BCLAF1: variants seen among roughly 807,000 people sequenced by gnomAD.
The protein encoded by BCLAF1 is bcl-2-associated transcription factor 1.
In BCLAF1, 10 loss-of-function variants were observed where a neutral mutation model predicts 99.5. The observed-to-expected ratio is 0.10, with a 90% CI of 0.06 to 0.17. The LOEUF is 0.17. Among genes scored for constraint, BCLAF1 ranks in the 10% least tolerant of loss-of-function variants. BCLAF1 has a pLI of 1.00. For synonymous variants in BCLAF1, 255 were observed against 370.9 expected (o/e 0.69, Z 3.59); for missense variants, 636 against 1,105.8 (o/e 0.58, Z 6.02).
At chr6:136,269,327 GTTTAAA>G in intron 9 of BCLAF1, 104 bp downstream of exon 9, 2 of 1,550,882 alleles carry the variant, frequency 1.3e-6, no homozygotes, top group Non-Finnish European at 1.7e-6. Flanking sequence ...AATTTTAATT[GTTTAAA>G]TTTAAACATT....
chr6:136,266,422 AAT>A (rs947733923), intron 11 of BCLAF1, among the ~76,000 whole-genome samples: 1 of 152,114 alleles, frequency 6.6e-6, no homozygotes, highest in African/African-American at 2.4e-5. Context: ...AACAGCAGAA[AAT>A]GCCCATCCTT....
intron 2 of BCLAF1, among the ~76,000 whole-genome samples, chr6:136,280,438 A>C (rs1048932923): frequency 6.6e-6 from 1 of 152,160 alleles, no homozygotes; most frequent in Non-Finnish European, 1.5e-5. Flanking sequence ...CTAAGTTTCT[A>C]AACAGCTGGA....
At position 136,276,341 on chromosome 6, in the gene BCLAF1, T is replaced by G. The variant is rs757818777; in HGVS notation, c.1184A>C (p.Asn395Thr). 1 of 1,567,110 alleles carries G rather than the reference T, an allele frequency of 6.4e-7. No individual in the cohort carries two copies. ...SDKESGKQKF[N>T]DSEGDDTEET... ...CTCTGTGTCATCCCCTTCTGAATCA[T>G]TAAACTTTTGTTTTCCAGACTCTTT... The change falls in exon 5 of 13, where the codon AAT becomes ACT. Residue 395 changes from asparagine to threonine, a missense_variant. Around this residue, in one of 9 missense-constraint regions of BCLAF1, gnomAD observed 186 missense variants for 275.3 expected, o/e 0.68. Coordinates refer to ENST00000531224, the MANE Select transcript of BCLAF1 (RefSeq NM_014739.3).
chr6:136,267,403 T>C (rs1781865292), intron 10 of BCLAF1, among the ~76,000 whole-genome samples: 1 of 152,012 alleles, frequency 6.6e-6, no homozygotes, highest in South Asian at 2.1e-4. Flanking sequence ...TAGAATACTG[T>C]ACTTTCATGG....
chr6:136,279,575 C>A, intron 3 of BCLAF1, 188 bp downstream of exon 3: 1 of 491,724 alleles, frequency 2.0e-6, no homozygotes, highest in Non-Finnish European at 3.0e-6. Flanking sequence ...CCAAGCTCTG[C>A]CATTTACTAG....
intron 3 of BCLAF1, 142 bp from the exon 4 acceptor site, chr6:136,278,918 A>T: frequency 1.2e-6 from 1 of 819,214 alleles, no homozygotes; most frequent in Non-Finnish European, 1.7e-6. Flanking sequence ...ACAAAAGTTA[A>T]TGGTTTCCAA....
intron 3 of BCLAF1, 89 bp downstream of exon 3, chr6:136,279,674 T>G: frequency 2.5e-6 from 3 of 1,208,332 alleles, no homozygotes; most frequent in Non-Finnish European, 3.1e-6. Context: ...ATAAAATACA[T>G]TTTGGGGTTT....
In BCLAF1 at chr6:136,259,120, T is replaced by C. The variant is rs977222773; in HGVS notation, c.*1990A>G. On this transcript the variant is annotated 3_prime_UTR_variant, in exon 13 of 13. Coordinates refer to ENST00000531224, the MANE Select transcript of BCLAF1 (RefSeq NM_014739.3). ...AGGTAACATCCACAATGACATTCTA[T>C]TACAGAGTTCTTACAATCACCCTAG... The C allele has an allele frequency of 6.6e-6, 1 of 152,048 alleles. No homozygotes were observed. The highest frequency in any genetic ancestry group is 2.4e-5 in the African/African-American group (1 of 41,444). 9.4% of individuals were successfully genotyped at this position (152,048 alleles called of 1,614,324 possible). A position where few individuals can be genotyped will look rare whatever the true frequency, so the allele number is the denominator to read the frequency against.
Position 136,284,130 on chromosome 6 carries a change from G to GTGTGTATATATA in BCLAF1, c.-114-1444_-114-1443insTATATATACACA, listed in dbSNP as rs36141174. On this transcript the variant is annotated intron_variant, in intron 1 of 12. Coordinates refer to ENST00000531224, the MANE Select transcript of BCLAF1 (RefSeq NM_014739.3). The stretch of plus-strand genomic sequence containing the variant: ...TATACATATATATGTGTGTGTGTGT[G>GTGTGTATATATA]TATATATATATATATATATATATAT... 9.4e-3 allele frequency among the ~76,000 whole-genome samples: 1,143 copies of GTGTGTATATATA among 122,044 alleles called. 34 individuals carry two copies. The highest frequency in any genetic ancestry group is 0.041 in the African/African-American group (1,015 of 24,506). The allele number at this position is 122,044 out of a possible 152,430, so 80.1% of individuals were successfully genotyped here.
intron 11 of BCLAF1, among the ~76,000 whole-genome samples, chr6:136,266,355 T>C (rs1436827992): frequency 6.6e-6 from 1 of 152,074 alleles, no homozygotes; most frequent in African/African-American, 2.4e-5. Context: ...CTGGTAATAG[T>C]TTCGGTATAT....
At position 136,269,485 on chromosome 6, in the gene BCLAF1, T is replaced by C. The variant is rs1339381124; in HGVS notation, c.2171A>G (p.Glu724Gly). The C allele has an allele frequency of 5.6e-6, 9 of 1,611,382 alleles. No homozygotes were observed. The highest frequency in any genetic ancestry group is 7.6e-6 in the Non-Finnish European group (9 of 1,178,692). The change falls in exon 9 of 13, where the codon GAA (glutamate) becomes GGA (glycine). Residue 724 changes from glutamate to glycine, a missense_variant. Physicochemically the swap from Glu to Gly is moderately conservative, Grantham distance 98 (BLOSUM62 -2). Transcript: ENST00000531224. The stretch of plus-strand genomic sequence containing the variant: ...TTCCTTGTAATCTTTTGGAGTTTTT[T>C]CCTGCTTTCTTGATCCACTGGATTC... Reference protein sequence around the residue: ...SRESSGSRKQEKTPKDYKEYK... With the variant: ...SRESSGSRKQGKTPKDYKEYK...
intron 1 of BCLAF1, among the ~76,000 whole-genome samples, chr6:136,289,158 A>G (rs1014254263): frequency 1.2e-4 from 18 of 152,380 alleles, no homozygotes; most frequent in African/African-American, 4.1e-4. Flanking sequence ...CTGAAGCCGG[A>G]GGGCAGTTTT....
chr6:136,273,265 A>G, intron 6 of BCLAF1, 78 bp from the exon 7 acceptor site: 1 of 1,218,540 alleles, frequency 8.2e-7, no homozygotes. Flanking sequence ...AAGGGCATGT[A>G]GCAGGTGAAA....
chr6:136,276,342 T>C lies in BCLAF1; in HGVS notation c.1183A>G (p.Asn395Asp). ...TCTGTGTCATCCCCTTCTGAATCAT[T>C]AAACTTTTGTTTTCCAGACTCTTTA... ...SDKESGKQKF[N>D]DSEGDDTEET... The change falls in exon 5 of 13, where the codon AAT (asparagine) becomes GAT (aspartate). Residue 395 changes from asparagine to aspartate, a missense_variant. Around this residue, in one of 9 missense-constraint regions of BCLAF1, gnomAD observed 186 missense variants for 275.3 expected, o/e 0.68. Coordinates refer to ENST00000531224, the MANE Select transcript of BCLAF1 (RefSeq NM_014739.3). 1.3e-6 allele frequency: 2 copies of C among 1,566,762 alleles called. No homozygotes were observed. The highest frequency in any genetic ancestry group is 1.7e-6 in the Non-Finnish European group (2 of 1,159,838).
In BCLAF1 at chr6:136,278,257, T is replaced by C. The variant is rs1239858299; in HGVS notation, c.624A>G (p.Thr208=). 2 of 1,614,164 alleles carry C rather than the reference T, an allele frequency of 1.2e-6. No homozygotes were observed. Residue 208 remains threonine, a synonymous_variant, in exon 4 of 13, where the codon ACA becomes ACG. Coordinates refer to ENST00000531224, the MANE Select transcript of BCLAF1 (RefSeq NM_014739.3). The stretch of plus-strand genomic sequence containing the variant: ...AAAGGCCAGGCCAAATATCACCGGA[T>C]GTGGCTGATGACTTATTAAATTCAT... ...SIDEFNKSSA[T]SGDIWPGLSA... is the part of the protein sequence containing the mutation.
intron 6 of BCLAF1, among the ~76,000 whole-genome samples, chr6:136,275,061 A>G (rs1258262114): frequency 6.6e-6 from 1 of 152,022 alleles, no homozygotes; most frequent in African/African-American, 2.4e-5. Context: ...TAAGCGCAAA[A>G]AAAGTGTTTT....
rs546712057 is a variant in BCLAF1, at chr6:136,269,033, C to A, written c.2219+404G>T. The A allele has an allele frequency of 1.0e-5, 8 of 797,966 alleles. No individual in the cohort carries two copies. The East Asian group carries it at 2.6e-4, about 26-fold the overall frequency. The allele number at this position is 797,966 out of a possible 1,614,324, so 49.4% of individuals were successfully genotyped here. ...TTGCTATTTCTAGTCCTTCCTCCCCCCCATCTCTCCCATGTTAAACCACTA... is the reference window on the plus strand; with the variant it reads ...TTGCTATTTCTAGTCCTTCCTCCCCACCATCTCTCCCATGTTAAACCACTA... On this transcript the variant is annotated intron_variant, in intron 9 of 12. Coordinates refer to ENST00000531224, the MANE Select transcript of BCLAF1 (RefSeq NM_014739.3).
Position 136,257,396 on chromosome 6 carries a change from G to C in BCLAF1, c.*3714C>G, listed in dbSNP as rs1780528297. The C allele has an allele frequency of 6.6e-6, 1 of 152,044 alleles. No individual in the cohort carries two copies. The highest frequency in any genetic ancestry group is 6.6e-5 in the Admixed American group (1 of 15,260). 9.4% of individuals were successfully genotyped at this position (152,044 alleles called of 1,614,324 possible). A position where few individuals can be genotyped will look rare whatever the true frequency, so the allele number is the denominator to read the frequency against. On this transcript the variant is annotated 3_prime_UTR_variant, in exon 13 of 13. Coordinates refer to ENST00000531224, the MANE Select transcript of BCLAF1 (RefSeq NM_014739.3). The stretch of plus-strand genomic sequence containing the variant: ...TACCCTTAATTAAATGTACAAGTTT[G>C]GTCTCATTACCATCATTGACACAAG...
chr6:136,285,874 C>A (rs1226928909), intron 1 of BCLAF1, among the ~76,000 whole-genome samples: 4 of 151,966 alleles, frequency 2.6e-5, no homozygotes, highest in Non-Finnish European at 5.9e-5. Context: ...CCGAGGTGAG[C>A]GGATCCTGAG....
Sources: allele counts gnomAD v4.1 joint callset (sites outside exome capture counted in the v4.1 genomes callset), GRCh38; gene constraint gnomAD v4.1.1; regional missense constraint gnomAD v4.1.1; transcripts MANE v1.5; gene names NCBI Gene and HGNC (gene_info 2026-07-23, HGNC 2026-07-21).